Variants in TMTC4 observed in about 807,000 individuals in gnomAD.
The protein encoded by TMTC4 is transmembrane O-mannosyltransferase targeting cadherins 4, also known as protein O-mannosyl-transferase TMTC4.
Under a neutral mutation model 86.0 loss-of-function variants are expected in TMTC4, and 65 were observed. The ratio of observed to expected loss-of-function variants is 0.76; its 90% confidence interval spans 0.62 to 0.93. The LOEUF is 0.93. TMTC4 is among the 40% of genes least tolerant of loss of function. The probability of loss-of-function intolerance (pLI) is 0.00; values close to 1 mark genes in which losing one functional copy is unlikely to be tolerated. For synonymous variants in TMTC4, 379 were observed against 382.5 expected (o/e 0.99, Z 0.11); for missense variants, 866 against 948.1 (o/e 0.91, Z 1.14).
At chr13:100,642,954 G>C (rs1417070015) in intron 6 of TMTC4, among the ~76,000 whole-genome samples, 1 of 152,122 alleles carries the variant, frequency 6.6e-6, no homozygotes, top group Non-Finnish European at 1.5e-5. Context: ...ATGGGGGCTC[G>C]AGCACCAACA....
chr13:100,637,967 A>G lies in TMTC4; in HGVS notation c.797T>C (p.Ile266Thr), dbSNP rs753277816. 9.3e-6 allele frequency: 15 copies of G among 1,614,052 alleles called. No individual in the cohort carries two copies. In the South Asian group the frequency reaches 1.5e-4, roughly 17 times the overall value. Residue 266 changes from isoleucine to threonine, a missense_variant, in exon 8 of 19, where the codon ATT becomes ACT. Ile to Thr is a moderately conservative substitution (Grantham distance 89, BLOSUM62 -1). Coordinates refer to ENST00000342624, the MANE Select transcript of TMTC4 (RefSeq NM_032813.5). ...GTCCTTATGTAGTACCTTCTGGACA[A>G]TTTCCAGAACATTGAATTTGCCTAT... is the stretch of plus-strand genomic sequence containing the variant. ...LVIGKFNVLEIVQKVLHKDKS... is the reference protein window; with the variant it reads ...LVIGKFNVLETVQKVLHKDKS...
intron 15 of TMTC4, among the ~76,000 whole-genome samples, chr13:100,616,354 C>G (rs1270115996): frequency 1.3e-5 from 2 of 152,130 alleles, no homozygotes; most frequent in African/African-American, 2.4e-5. Flanking sequence ...AGGCGCCCAC[C>G]ACCATGCCCA....
intron 2 of TMTC4, 190 bp downstream of exon 2, chr13:100,670,170 A>G (rs780895221): frequency 2.0e-5 from 11 of 556,922 alleles, no homozygotes; most frequent in Non-Finnish European, 2.7e-5. Context: ...TGCTGAGATG[A>G]AAGAGAATTC....
chr13:100,661,583 G>A (rs953826346), intron 5 of TMTC4, among the ~76,000 whole-genome samples: 5 of 152,120 alleles, frequency 3.3e-5, no homozygotes, highest in African/African-American at 7.2e-5. Context: ...AGTCTAATTC[G>A]GTCACAGTTA....
chr13:100,669,129 TAA>T (rs1187486538), intron 2 of TMTC4, among the ~76,000 whole-genome samples: 2 of 151,438 alleles, frequency 1.3e-5, no homozygotes, highest in Non-Finnish European at 2.9e-5. Flanking sequence ...TTACAAAGCT[TAA>T]AAAAAAAGTT....
At chr13:100,669,574 T>A (rs1460813021) in intron 2 of TMTC4, among the ~76,000 whole-genome samples, 1 of 152,196 alleles carries the variant, frequency 6.6e-6, no homozygotes, top group Admixed American at 6.5e-5. Context: ...ATGGGCATAA[T>A]GTTTCTCGCC....
At chr13:100,652,727 G>A (rs1209015913) in intron 6 of TMTC4, among the ~76,000 whole-genome samples, 1 of 152,182 alleles carries the variant, frequency 6.6e-6, no homozygotes, top group Non-Finnish European at 1.5e-5. Context: ...CCTGCTATGA[G>A]GGGTACAGGA....
chr13:100,674,893 C>T, upstream of TMTC4: 1 of 984,156 alleles, frequency 1.0e-6, no homozygotes, highest in Non-Finnish European at 1.2e-6. Context: ...TCCCCACGCG[C>T]GCGGGCGCCC....
chr13:100,609,676 TATATAC>T (rs1383331195), intron 17 of TMTC4, among the ~76,000 whole-genome samples: 3 of 143,936 alleles, frequency 2.1e-5, no homozygotes, highest in Non-Finnish European at 4.5e-5. Flanking sequence ...TAAATGTATA[TATATAC>T]ACACACACAC....
chr13:100,623,773 G>A, intron 15 of TMTC4: 1 of 254,702 alleles, frequency 3.9e-6, no homozygotes, highest in South Asian at 4.9e-5. Context: ...CCAGCTGATG[G>A]GTACCAGCTT....
chr13:100,626,029 G>A (rs376754978), intron 13 of TMTC4, 42 bp downstream of exon 13: 58 of 1,610,110 alleles, frequency 3.6e-5, no homozygotes, highest in South Asian at 1.5e-4. Flanking sequence ...AAGTGAAAAC[G>A]ATCTGTGTAC....
chr13:100,668,317 G>A (rs1021497806), intron 3 of TMTC4: 27 of 421,364 alleles, frequency 6.4e-5, no homozygotes, highest in Admixed American at 2.4e-4. Flanking sequence ...TTAGAATAAC[G>A]GCCTCTTTGA....
intron 16 of TMTC4, among the ~76,000 whole-genome samples, 185 bp from the exon 17 acceptor site, chr13:100,612,695 G>A (rs1007734062): frequency 7.3e-6 from 1 of 136,250 alleles, no homozygotes; most frequent in South Asian, 2.4e-4. Flanking sequence ...ACACACACAC[G>A]ACGTTATCAG....
intron 8 of TMTC4, 108 bp downstream of exon 8, chr13:100,637,822 G>T: frequency 6.5e-7 from 1 of 1,531,940 alleles, no homozygotes; most frequent in Non-Finnish European, 8.9e-7. Flanking sequence ...TTAAAAGGCT[G>T]GTTATTGTAG....
intron 6 of TMTC4, among the ~76,000 whole-genome samples, chr13:100,649,990 G>A (rs1425858806): frequency 1.3e-5 from 2 of 151,676 alleles, no homozygotes; most frequent in Non-Finnish European, 2.9e-5. Context: ...CTCTATGTAA[G>A]CATCTGAGGA....
chr13:100,635,061 A>G lies in TMTC4; in HGVS notation c.1337T>C (p.Phe446Ser), dbSNP rs551578067. The G allele has an allele frequency of 6.2e-7, 1 of 1,613,360 alleles. No individual in the cohort carries two copies. Among genetic ancestry groups the G allele is most frequent in the South Asian group, 1.1e-5 (1 of 90,906 alleles). ...PSVGYCVLLT[F>S]GFGALSKHTK... ...ATGTTTGCTCAGGGCTCCGAATCCAAAAGTCAGCAGCACACAGTACCCAAC... is the reference window on the plus strand; with the variant it reads ...ATGTTTGCTCAGGGCTCCGAATCCAGAAGTCAGCAGCACACAGTACCCAAC... The change falls in exon 11 of 19, where the codon TTT becomes TCT. Residue 446 changes from phenylalanine to serine, a missense_variant. Coordinates refer to ENST00000342624, the MANE Select transcript of TMTC4 (RefSeq NM_032813.5).
chr13:100,609,419 A>G (rs921300698), intron 17 of TMTC4, among the ~76,000 whole-genome samples: 3 of 152,206 alleles, frequency 2.0e-5, no homozygotes, highest in African/African-American at 7.2e-5. Context: ...GTGTGACATA[A>G]ATGTCTGGAG....
intron 6 of TMTC4, among the ~76,000 whole-genome samples, chr13:100,645,032 C>A (rs1883537824): frequency 6.6e-6 from 1 of 152,056 alleles, no homozygotes; most frequent in Non-Finnish European, 1.5e-5. Flanking sequence ...CAGTCTGGTC[C>A]TGAACTCCTG....
chr13:100,663,188 A>T lies in TMTC4; in HGVS notation c.336-8T>A, dbSNP rs1886002853. ...GAGAGGTAGTAGTTAATCCTGCAGAAACACAGGGTGTTCAGGGTACACGCG... is the reference window on the plus strand; with the variant it reads ...GAGAGGTAGTAGTTAATCCTGCAGATACACAGGGTGTTCAGGGTACACGCG... On this transcript the variant is annotated splice_region_variant and splice_polypyrimidine_tract_variant and intron_variant, in intron 4 of 18. Transcript: ENST00000342624. 6.2e-7 allele frequency: 1 copy of T among 1,613,880 alleles called. No homozygotes were observed. The highest frequency in any genetic ancestry group is 1.1e-5 in the South Asian group (1 of 91,064).
Sources: allele counts gnomAD v4.1 joint callset (sites outside exome capture counted in the v4.1 genomes callset), GRCh38; gene constraint gnomAD v4.1.1; transcripts MANE v1.5; gene names NCBI Gene and HGNC (gene_info 2026-07-23, HGNC 2026-07-21).